MPHOSPH6: variants seen among roughly 807,000 people sequenced by gnomAD.
MPHOSPH6 encodes the protein M-phase phosphoprotein 6.
A neutral mutation model predicts 21.8 loss-of-function variants in MPHOSPH6; 25 were observed. The observed-to-expected ratio is 1.15, with a 90% CI of 0.83 to 1.60. The LOEUF is 1.60. Ranked by LOEUF, MPHOSPH6 falls within the 40% of genes most tolerant of loss-of-function variation. MPHOSPH6 has a pLI of 0.00. For synonymous variants in MPHOSPH6, 84 were observed against 56.5 expected, an observed-to-expected ratio of 1.49 and a Z score of -2.18; for missense variants, 269 against 181.8, an observed-to-expected ratio of 1.48 and a Z score of -2.76.
chr16:82,166,059 A>G (rs72628279), intron 1 of MPHOSPH6, among the ~76,000 whole-genome samples: 1,708 of 151,992 alleles, frequency 0.011, 38 homozygotes, highest in African/African-American at 0.04. Context: ...ACGCAAAATG[A>G]GTGCGTGTAA....
chr16:82,154,593 G>A (rs1244825284), intron 2 of MPHOSPH6, among the ~76,000 whole-genome samples: 2 of 151,684 alleles, frequency 1.3e-5, no homozygotes, highest in African/African-American at 4.9e-5. Flanking sequence ...GAAACAGAAA[G>A]CCTGAATTAA....
intron 1 of MPHOSPH6, 48 bp downstream of exon 1, chr16:82,170,077 G>T (rs373312615): frequency 5.8e-6 from 9 of 1,558,418 alleles, no homozygotes; most frequent in South Asian, 1.2e-5. Context: ...AGGTTGGAAG[G>T]ACCGGGTGCC....
chr16:82,158,956 T>G (rs1204854876), intron 2 of MPHOSPH6, among the ~76,000 whole-genome samples: 2 of 151,536 alleles, frequency 1.3e-5, no homozygotes, highest in Non-Finnish European at 2.9e-5. Flanking sequence ...AAAGATCTAT[T>G]TGGAATACAA....
chr16:82,166,456 T>C (rs1906783339), intron 1 of MPHOSPH6, among the ~76,000 whole-genome samples: 1 of 152,240 alleles, frequency 6.6e-6, no homozygotes, highest in African/African-American at 2.4e-5. Context: ...CTGGTTGGCA[T>C]TTGGCTTGGC....
rs1347796096 is a variant in MPHOSPH6 at position 82,160,367 on chromosome 16, AG to A, written c.164+3714del. Reference sequence around the variant, plus strand: ...CTCAGAAAAAGCTGGACTTGCCTAAAGCCACAAATACCATGGCAAAACTCCA... The same window carrying A: ...CTCAGAAAAAGCTGGACTTGCCTAAACCACAAATACCATGGCAAAACTCCA... On this transcript the variant is annotated intron_variant, in intron 2 of 4. Transcript: ENST00000258169. Among the ~76,000 whole-genome samples the A allele has an allele frequency of 2.0e-5, 3 of 152,218 alleles. No individual in the cohort carries two copies. In the South Asian group the frequency reaches 6.2e-4, roughly 32 times the overall value.
At chr16:82,151,053 C>T (rs529219450) in intron 3 of MPHOSPH6, 1 of 163,024 alleles carries the variant, frequency 6.1e-6, no homozygotes, top group African/African-American at 2.4e-5. Context: ...AGTCAAATGA[C>T]ATAATTCTAA....
Position 82,165,114 on chromosome 16 carries a change from C to CTTTTTTTTTTTTTTTTTTTTTTTTTTTT in MPHOSPH6, c.52-921_52-920insAAAAAAAAAAAAAAAAAAAAAAAAAAAA, listed in dbSNP as rs1418457856. Among the ~76,000 whole-genome samples the CTTTTTTTTTTTTTTTTTTTTTTTTTTTT allele has an allele frequency of 9.4e-5, 6 of 63,944 alleles. 1 individual carries two copies. Among genetic ancestry groups the CTTTTTTTTTTTTTTTTTTTTTTTTTTTT allele is most frequent in the African/African-American group, 1.4e-4 (2 of 14,624 alleles). 41.9% of individuals were successfully genotyped at this position (63,944 alleles called of 152,430 possible). The stretch of plus-strand genomic sequence containing the variant: ...TTTCCCTTATTCAGGTCCGATATTT[C>CTTTTTTTTTTTTTTTTTTTTTTTTTTTT]TTTTTTATTTTTTTTTTTATTTTTT... On this transcript the variant is annotated intron_variant, in intron 1 of 4. Coordinates refer to ENST00000258169, the MANE Select transcript of MPHOSPH6 (RefSeq NM_005792.2).
intron 2 of MPHOSPH6, among the ~76,000 whole-genome samples, chr16:82,155,715 C>A (rs573066406): frequency 2.6e-5 from 4 of 152,160 alleles, no homozygotes; most frequent in African/African-American, 7.2e-5. Flanking sequence ...ATCAGCCTGG[C>A]CAACACGGAG....
At chr16:82,161,575 T>C (rs1386018559) in intron 2 of MPHOSPH6, among the ~76,000 whole-genome samples, 5 of 152,322 alleles carry the variant, frequency 3.3e-5, no homozygotes, top group Middle Eastern at 6.8e-3. Context: ...ATTCACACTA[T>C]ATCGGGTTCC....
chr16:82,153,744 G>C (rs1390862203), intron 2 of MPHOSPH6, among the ~76,000 whole-genome samples: 2 of 152,128 alleles, frequency 1.3e-5, no homozygotes, highest in Middle Eastern at 3.2e-3. Context: ...GATGATTTCT[G>C]GGAGAACACC....
chr16:82,150,469 G>T (rs528772961), intron 3 of MPHOSPH6, among the ~76,000 whole-genome samples: 1 of 151,938 alleles, frequency 6.6e-6, no homozygotes, highest in Non-Finnish European at 1.5e-5. Flanking sequence ...CTCCCACTCC[G>T]CCAAAAAAGA....
At chr16:82,164,330 G>A (rs940254146) in intron 1 of MPHOSPH6, 136 bp from the exon 2 acceptor site, 1 of 633,906 alleles carries the variant, frequency 1.6e-6, no homozygotes, top group South Asian at 2.0e-5. Context: ...GTTGGGGCAA[G>A]TGATCAAACG....
At chr16:82,149,953 C>G (rs1906210818) in intron 3 of MPHOSPH6, among the ~76,000 whole-genome samples, 1 of 151,740 alleles carries the variant, frequency 6.6e-6, no homozygotes, top group Non-Finnish European at 1.5e-5. Context: ...CATCCATGCA[C>G]CACAGGGTCT....
At chr16:82,151,218 A>G (rs1294010511) in intron 3 of MPHOSPH6, 3 of 579,818 alleles carry the variant, frequency 5.2e-6, no homozygotes, top group East Asian at 3.5e-5. Flanking sequence ...GTATACTGCT[A>G]TATGAAATTA....
intron 2 of MPHOSPH6, among the ~76,000 whole-genome samples, chr16:82,161,642 T>G (rs1228100309): frequency 6.6e-6 from 1 of 152,202 alleles, no homozygotes; most frequent in African/African-American, 2.4e-5. Flanking sequence ...GCAGTGTTGT[T>G]CAGCAGATGC....
chr16:82,152,671 G>C (rs1221312867), intron 2 of MPHOSPH6, among the ~76,000 whole-genome samples: 1 of 152,156 alleles, frequency 6.6e-6, no homozygotes, highest in African/African-American at 2.4e-5. Context: ...TGCTGCTGAC[G>C]GGGCTGAGCA....
At chr16:82,166,081 C>G (rs1224770388) in intron 1 of MPHOSPH6, among the ~76,000 whole-genome samples, 2 of 152,232 alleles carry the variant, frequency 1.3e-5, no homozygotes, top group East Asian at 3.8e-4. Context: ...ATGGTGAAAT[C>G]TGCGTCAGCT....
intron 2 of MPHOSPH6, among the ~76,000 whole-genome samples, chr16:82,154,361 C>G (rs1015795924): frequency 6.6e-6 from 1 of 152,132 alleles, no homozygotes; most frequent in African/African-American, 2.4e-5. Flanking sequence ...ATTCAACACT[C>G]TATTAAGAAA....
intron 2 of MPHOSPH6, among the ~76,000 whole-genome samples, chr16:82,151,718 G>A (rs1290005349): frequency 2.0e-5 from 3 of 152,196 alleles, no homozygotes; most frequent in African/African-American, 4.8e-5. Context: ...GCAAGCTAGA[G>A]GCACAGCCTC....
Sources: gnomAD v4.1 joint callset for allele counts (sites outside exome capture counted in the v4.1 genomes callset) on GRCh38, gnomAD v4.1.1 for gene constraint, MANE v1.5 for transcripts, NCBI Gene and HGNC (gene_info 2026-07-23, HGNC 2026-07-21) for gene names.